ADGRV1: variants seen among roughly 807,000 people sequenced by gnomAD.
ADGRV1 encodes the protein adhesion G protein-coupled receptor V1, also known as G-protein coupled receptor 98.
ADGRV1 carries 359 observed loss-of-function variants against 596.2 expected under a neutral mutation model. The ratio of observed to expected loss-of-function variants is 0.60; its 90% confidence interval spans 0.55 to 0.66. The LOEUF is 0.66. Among genes scored for constraint, ADGRV1 ranks in the 30% least tolerant of loss-of-function variants. The probability of loss-of-function intolerance (pLI) is 0.00; values close to 1 mark genes in which losing one functional copy is unlikely to be tolerated. For synonymous variants in ADGRV1, 2,681 were observed against 2,679.2 expected (o/e 1.00, Z -0.02); for missense variants, 7,274 against 7,575.6 (o/e 0.96, Z 1.48).
chr5:90,917,009 AAGTT>A (rs1773444518), intron 83 of ADGRV1, among the ~76,000 whole-genome samples: 1 of 152,150 alleles, frequency 6.6e-6, no homozygotes, highest in South Asian at 2.1e-4. Context: ...ATTTCATTGT[AAGTT>A]AGTAGAAAAC....
At chr5:90,833,574 C>T (rs1052992629) in intron 77 of ADGRV1, among the ~76,000 whole-genome samples, 13 of 152,144 alleles carry the variant, frequency 8.5e-5, no homozygotes, top group African/African-American at 2.9e-4. Flanking sequence ...CATGAGCCAC[C>T]ATGCCTAGCC....
At chr5:90,760,677 C>T (rs1447249894) in intron 58 of ADGRV1, among the ~76,000 whole-genome samples, 1 of 152,116 alleles carries the variant, frequency 6.6e-6, no homozygotes, top group Non-Finnish European at 1.5e-5. Context: ...CCACCCAGCT[C>T]ATGTATTTCT....
intron 21 of ADGRV1, among the ~76,000 whole-genome samples, chr5:90,658,561 T>C (rs1769756395): frequency 6.6e-6 from 1 of 152,238 alleles, no homozygotes; most frequent in African/African-American, 2.4e-5. Flanking sequence ...ATGTGTATAC[T>C]CTACCTATTT....
At chr5:90,783,679 TC>T (rs1293122377) in intron 66 of ADGRV1, among the ~76,000 whole-genome samples, 158 bp from the exon 67 acceptor site, 1 of 152,188 alleles carries the variant, frequency 6.6e-6, no homozygotes, top group Admixed American at 6.6e-5. Context: ...TTGATGTTAA[TC>T]ATTCATTCTT....
At chr5:90,851,484 G>A (rs760281360) in intron 79 of ADGRV1, among the ~76,000 whole-genome samples, 1 of 152,096 alleles carries the variant, frequency 6.6e-6, no homozygotes, top group African/African-American at 2.4e-5. Context: ...CAATATTAAG[G>A]GAGTCTGCTG....
intron 85 of ADGRV1, among the ~76,000 whole-genome samples, chr5:91,034,156 A>T (rs1056575864): frequency 6.6e-6 from 1 of 152,168 alleles, no homozygotes; most frequent in East Asian, 1.9e-4. Flanking sequence ...CAAATCTTCC[A>T]AAATATAGCT....
chr5:90,715,303 C>G (rs551402827), intron 42 of ADGRV1, among the ~76,000 whole-genome samples: 1 of 152,308 alleles, frequency 6.6e-6, no homozygotes, highest in South Asian at 2.1e-4. Flanking sequence ...TGGTGTTCCT[C>G]TTAGACACTG....
intron 8 of ADGRV1, 76 bp from the exon 9 acceptor site, chr5:90,629,134 T>C (rs547302859): frequency 8.4e-5 from 64 of 761,788 alleles, no homozygotes; most frequent in Middle Eastern, 7.7e-4. Context: ...AAAATTAGAA[T>C]AACATGGAAA....
At chr5:90,775,124 G>T (rs1208195449) in intron 60 of ADGRV1, among the ~76,000 whole-genome samples, 1 of 152,020 alleles carries the variant, frequency 6.6e-6, no homozygotes, top group Non-Finnish European at 1.5e-5. Flanking sequence ...ATAAAAAACT[G>T]GTTCAGAAAC....
intron 3 of ADGRV1, 146 bp downstream of exon 3, chr5:90,618,099 C>T (rs1580467500): frequency 3.8e-6 from 2 of 532,820 alleles, no homozygotes; most frequent in East Asian, 6.2e-5. Flanking sequence ...GAACTGACAA[C>T]CTCTTCAGCG....
chr5:90,598,371 G>C (rs897382594), intron 1 of ADGRV1, among the ~76,000 whole-genome samples: 1 of 152,230 alleles, frequency 6.6e-6, no homozygotes, highest in Non-Finnish European at 1.5e-5. Context: ...AAAAGACTAA[G>C]CTCTTGAAAA....
intron 33 of ADGRV1, among the ~76,000 whole-genome samples, chr5:90,695,752 A>ATT (rs1412389105): frequency 3.3e-5 from 5 of 151,960 alleles, no homozygotes; most frequent in African/African-American, 1.2e-4. Context: ...TATTATGGTT[A>ATT]TTTTCTAGTC....
At chr5:91,071,482 T>C (rs1015981926) in intron 85 of ADGRV1, among the ~76,000 whole-genome samples, 3 of 152,074 alleles carry the variant, frequency 2.0e-5, no homozygotes, top group Admixed American at 6.6e-5. Flanking sequence ...TCCTATAGCA[T>C]GACCATATGT....
At chr5:90,591,557 A>G (rs1279891487) in intron 1 of ADGRV1, among the ~76,000 whole-genome samples, 1 of 152,216 alleles carries the variant, frequency 6.6e-6, no homozygotes, top group Non-Finnish European at 1.5e-5. Context: ...CATTATAAAC[A>G]GCTAAAATAA....
intron 50 of ADGRV1, among the ~76,000 whole-genome samples, chr5:90,730,284 A>T (rs540984192): frequency 6.6e-6 from 1 of 152,358 alleles, no homozygotes; most frequent in African/African-American, 2.4e-5. Flanking sequence ...TTCAGAATGG[A>T]CATTGGCTTG....
intron 9 of ADGRV1, among the ~76,000 whole-genome samples, chr5:90,634,077 A>T (rs961297901): frequency 3.9e-5 from 6 of 152,222 alleles, no homozygotes; most frequent in Non-Finnish European, 8.8e-5. Flanking sequence ...GACATGTTTT[A>T]TTAAGTTAAA....
intron 1 of ADGRV1, among the ~76,000 whole-genome samples, chr5:90,605,271 T>C (rs1250949580): frequency 1.3e-5 from 2 of 151,844 alleles, no homozygotes; most frequent in East Asian, 3.9e-4. Context: ...AAAAATTAGC[T>C]GGGCGTGGTG....
chr5:91,101,753 A>T (rs1165091578), intron 86 of ADGRV1, among the ~76,000 whole-genome samples: 1 of 151,732 alleles, frequency 6.6e-6, no homozygotes, highest in Non-Finnish European at 1.5e-5. Flanking sequence ...AAAAGATGTG[A>T]GTACAGGTTT....
intron 85 of ADGRV1, among the ~76,000 whole-genome samples, chr5:91,066,541 A>G (rs533217069): frequency 1.3e-5 from 2 of 152,328 alleles, no homozygotes; most frequent in East Asian, 3.9e-4. Context: ...ATCAGCTTTA[A>G]AAGAAGAGTT....
Sources: allele counts gnomAD v4.1 joint callset (sites outside exome capture counted in the v4.1 genomes callset), GRCh38; gene constraint gnomAD v4.1.1; transcripts MANE v1.5; gene names NCBI Gene and HGNC (gene_info 2026-07-23, HGNC 2026-07-21).